Variants in ANKRD34B observed in about 807,000 individuals in gnomAD.
The protein encoded by ANKRD34B is ankyrin repeat domain-containing protein 34B.
In ANKRD34B, 2 loss-of-function variants were observed where a neutral mutation model predicts 4.4. That is an observed-to-expected ratio of 0.46 (90% CI 0.19 to 1.44). ANKRD34B has a LOEUF of 1.44. Ranked by LOEUF, ANKRD34B falls within the 40% of genes most tolerant of loss-of-function variation. ANKRD34B has a pLI of 0.26. For missense variants in ANKRD34B, 558 were observed against 604.7 expected, an observed-to-expected ratio of 0.92 and a Z score of 0.81; for synonymous variants, 226 against 227.1, an observed-to-expected ratio of 0.99 and a Z score of 0.05.
At chr5:80,566,531 G>T (rs905092867) in intron 3 of ANKRD34B, among the ~76,000 whole-genome samples, 158 bp downstream of exon 3, 2 of 152,170 alleles carry the variant, frequency 1.3e-5, no homozygotes, top group Non-Finnish European at 2.9e-5. Flanking sequence ...TCCTTGCCCT[G>T]CTACGAGGGG....
rs956031834 is a variant in ANKRD34B, at chr5:80,564,989, G to A, written c.-104-1174C>T. On this transcript the variant is annotated intron_variant, in intron 3 of 4. Coordinates refer to ENST00000338682, the MANE Select transcript of ANKRD34B (RefSeq NM_001004441.3). ...CAAAGTGCTGGGATTACAGGCGTGC[G>A]CCACTGCGCCCAGCCTGTTTGCTCA... Among the ~76,000 whole-genome samples, 13 of 152,324 alleles carry A rather than the reference G, an allele frequency of 8.5e-5. No homozygotes were observed. In the South Asian group the frequency reaches 1.9e-3, roughly 22 times the overall value.
Position 80,559,532 on chromosome 5 carries a change from G to A in ANKRD34B, c.488C>T (p.Thr163Ile). 1 of 1,614,210 alleles carries A rather than the reference G, an allele frequency of 6.2e-7. No homozygotes were observed. The highest frequency in any genetic ancestry group is 8.5e-7 in the Non-Finnish European group (1 of 1,180,038). ...AGGAGGCATATTTAAGTATTGTTTA[G>A]TAGTATGCTTCCCACAGGGCAACTT... ...TAKLPCGKHT[T>I]KQYLNMPPVD... The change falls in exon 5 of 5, where the codon ACT becomes ATT. Residue 163 changes from threonine (T) to isoleucine (I), a missense_variant. Transcript: ENST00000338682.
chr5:80,568,174 G>C (rs1746632627), intron 2 of ANKRD34B, among the ~76,000 whole-genome samples: 1 of 152,188 alleles, frequency 6.6e-6, no homozygotes, highest in African/African-American at 2.4e-5. Flanking sequence ...TGGAGTGCCT[G>C]TTAAAAAGAA....
Position 80,557,464 on chromosome 5 carries a change from C to G in ANKRD34B, c.*1011G>C, listed in dbSNP as rs1306601608. ...TTTTGTGATTAAGTTTCTACTGCCT[C>G]TATTAATTTTAGCTAACCTAATCTA... On this transcript the variant is annotated 3_prime_UTR_variant, in exon 5 of 5. Transcript: ENST00000338682. 2 of 151,716 alleles carry G rather than the reference C, an allele frequency of 1.3e-5. No individual in the cohort carries two copies. Among genetic ancestry groups the G allele is most frequent in the African/African-American group, 4.8e-5 (2 of 41,318 alleles). The allele number at this position is 151,716 out of a possible 1,614,324, so 9.4% of individuals were successfully genotyped here.
Position 80,558,323 on chromosome 5 carries a change from G to A in ANKRD34B, c.*152C>T, listed in dbSNP as rs1027142145. The A allele has an allele frequency of 2.1e-5, 13 of 623,826 alleles. No homozygotes were observed. Among genetic ancestry groups the A allele is most frequent in the South Asian group, 1.1e-4 (5 of 43,816 alleles). 38.6% of individuals were successfully genotyped at this position (623,826 alleles called of 1,614,324 possible). A position where few individuals can be genotyped will look rare whatever the true frequency, so the allele number is the denominator to read the frequency against. Reference sequence around the variant, plus strand: ...ATGTATTATTTTTTATGCTCATGACGCCTAGTACAAATCACATTACATTTT... The same window carrying A: ...ATGTATTATTTTTTATGCTCATGACACCTAGTACAAATCACATTACATTTT... On this transcript the variant is annotated 3_prime_UTR_variant, in exon 5 of 5. Coordinates refer to ENST00000338682, the MANE Select transcript of ANKRD34B (RefSeq NM_001004441.3).
intron 3 of ANKRD34B, among the ~76,000 whole-genome samples, chr5:80,565,727 T>C (rs776023955): frequency 3.6e-4 from 55 of 152,236 alleles, no homozygotes; most frequent in Admixed American, 1.2e-3. Context: ...ATCCATAGCC[T>C]ATTTAAAATA....
chr5:80,568,889 A>AACACACACACACACACACACACACACAC (rs745736258), intron 2 of ANKRD34B, 71 bp downstream of exon 2: 2 of 46,006 alleles, frequency 4.3e-5, no homozygotes, highest in Non-Finnish European at 7.8e-5. Context: ...CTCCCCCCAA[A>AACACACACACACACACACACACACACAC]ACACACACAC....
At chr5:80,560,123 T>G in intron 4 of ANKRD34B, 81 bp from the exon 5 acceptor site, 5 of 837,632 alleles carry the variant, frequency 6.0e-6, no homozygotes, top group East Asian at 2.7e-5. Context: ...AGAATTAATT[T>G]TGAAAATATG....
At position 80,559,104 on chromosome 5, in the gene ANKRD34B, G is replaced by C; in HGVS notation, c.916C>G (p.Leu306Val). Residue 306 changes from leucine to valine, a missense_variant, in exon 5 of 5, where the codon CTA (leucine) becomes GTA (valine). Physicochemically the swap from Leu to Val is conservative, Grantham distance 32. Transcript: ENST00000338682. Reference sequence around the variant, plus strand: ...GAGCTGGCCTGATCAAAGGCTCTTAGCAAATGTGCAGTGTCTTTTACATCA... The same window carrying C: ...GAGCTGGCCTGATCAAAGGCTCTTACCAAATGTGCAGTGTCTTTTACATCA... ...SIDVKDTAHL[L>V]RAFDQASSRK... 6.2e-7 allele frequency: 1 copy of C among 1,614,192 alleles called. No individual in the cohort carries two copies. The highest frequency in any genetic ancestry group is 8.5e-7 in the Non-Finnish European group (1 of 1,180,040).
At position 80,559,067 on chromosome 5, in the gene ANKRD34B, G is replaced by C. The variant is rs747144249; in HGVS notation, c.953C>G (p.Ser318Ter). 6.2e-7 allele frequency: 1 copy of C among 1,614,172 alleles called. No individual in the cohort carries two copies. Among genetic ancestry groups the C allele is most frequent in the African/African-American group, 1.3e-5 (1 of 75,038 alleles). ...AFDQASSRKM[S>*]YDEINCQSYL... ...AGATTGACAATTTATTTCATCATAT[G>C]ACATCTTCCTTGAGCTGGCCTGATC... The change falls in exon 5 of 5, where the codon TCA becomes TGA. Residue 318 changes from serine to a stop codon, truncating the protein, a stop_gained. Transcript: ENST00000338682. LOFTEE classifies it low-confidence loss of function (END_TRUNC).
At chr5:80,562,804 C>T (rs1746443480) in intron 4 of ANKRD34B, among the ~76,000 whole-genome samples, 1 of 152,108 alleles carries the variant, frequency 6.6e-6, no homozygotes, top group African/African-American at 2.4e-5. Flanking sequence ...TAATCAGTAC[C>T]CGAAATGAGG....
chr5:80,559,029 CT>C lies in ANKRD34B; in HGVS notation c.990del (p.Gly331GlufsTer25), dbSNP rs768517763. 5.6e-6 allele frequency: 9 copies of C among 1,614,180 alleles called. No homozygotes were observed. The highest frequency in any genetic ancestry group is 7.6e-6 in the Non-Finnish European group (9 of 1,180,030). ...GGGACTTCAATGCATTGCTGATTTC[CT>C]TCTGAAAGATAAGATTGACAATTTA... is the stretch of plus-strand genomic sequence containing the variant. The part of the protein sequence containing the change: ...DEINCQSYLS[E>X]GNQQCIEVPV... On this transcript the variant is annotated frameshift_variant, in exon 5 of 5. Transcript: ENST00000338682. LOFTEE classifies it low-confidence loss of function (END_TRUNC).
rs950339536 is a variant in ANKRD34B at position 80,569,719 on chromosome 5, A to C, written c.-339+435T>G. Among the ~76,000 whole-genome samples, 3 of 150,678 alleles carry C rather than the reference A, an allele frequency of 2.0e-5. 1 individual carries two copies. The highest frequency in any genetic ancestry group is 2.0e-4 in the Admixed American group (3 of 15,192). On this transcript the variant is annotated intron_variant, in intron 1 of 4. Coordinates refer to ENST00000338682, the MANE Select transcript of ANKRD34B (RefSeq NM_001004441.3). ...CCCCCCGCCCCGCATCCTCCTCGACACCCCGCGGCCGGGCAGCCCTCGCCG... is the reference window on the plus strand; with the variant it reads ...CCCCCCGCCCCGCATCCTCCTCGACCCCCCGCGGCCGGGCAGCCCTCGCCG...
chr5:80,566,581 T>C (rs959439172), intron 3 of ANKRD34B, 108 bp downstream of exon 3: 2 of 152,612 alleles, frequency 1.3e-5, no homozygotes, highest in African/African-American at 4.8e-5. Flanking sequence ...CATTGCATCT[T>C]GGAAAGATGA....
In ANKRD34B at chr5:80,559,909, A is replaced by G. The variant is rs749496251; in HGVS notation, c.111T>C (p.Asn37=). The stretch of plus-strand genomic sequence containing the variant: ...GGGTTTCCCCACGGTCGTTGCTCTC[A>G]TTAATGTAGGCACCGCCTTCTAGCA... ...RLLLEGGAYI[N]ESNDRGETPL... Residue 37 remains asparagine, a synonymous_variant, in exon 5 of 5, where the codon AAT becomes AAC. Transcript: ENST00000338682. 2 of 1,614,132 alleles carry G rather than the reference A, an allele frequency of 1.2e-6. No homozygotes were observed. Among genetic ancestry groups the G allele is most frequent in the Non-Finnish European group, 1.7e-6 (2 of 1,180,052 alleles).
At chr5:80,569,456 C>T (rs1486508512) in intron 1 of ANKRD34B, among the ~76,000 whole-genome samples, 2 of 152,166 alleles carry the variant, frequency 1.3e-5, no homozygotes, top group East Asian at 1.9e-4. Flanking sequence ...AACCGGCTGC[C>T]CGCCCCTGTG....
At position 80,559,270 on chromosome 5, in the gene ANKRD34B, C is replaced by T. The variant is rs138114567; in HGVS notation, c.750G>A (p.Lys250=). ...TCTGGTGCATTAATAATGGGGGACTCTTGACCCAGGGTGGAGCGTGGGGGA... is the reference window on the plus strand; with the variant it reads ...TCTGGTGCATTAATAATGGGGGACTTTTGACCCAGGGTGGAGCGTGGGGGA... ...PKLPHAPPWV[K]SPPLLMHQNR... Residue 250 remains lysine (K), a synonymous_variant, in exon 5 of 5, where the codon AAG becomes AAA. Transcript: ENST00000338682. 3.1e-6 allele frequency: 5 copies of T among 1,614,068 alleles called. No homozygotes were observed. The highest frequency in any genetic ancestry group is 1.3e-5 in the African/African-American group (1 of 74,926).
In ANKRD34B at chr5:80,565,940, A is replaced by G. The variant is rs1178889238; in HGVS notation, c.-105+749T>C. ...TATTAATTATTAAACAGCTGGATAA[A>G]CTGCTTTTCATTCAAAAATTGCAGT... On this transcript the variant is annotated intron_variant, in intron 3 of 4. Coordinates refer to ENST00000338682, the MANE Select transcript of ANKRD34B (RefSeq NM_001004441.3). Among the ~76,000 whole-genome samples, 3 of 152,310 alleles carry G rather than the reference A, an allele frequency of 2.0e-5. No homozygotes were observed. The East Asian group carries it at 5.8e-4, about 29-fold the overall frequency.
Position 80,566,153 on chromosome 5 carries a change from G to A in ANKRD34B, c.-105+536C>T, listed in dbSNP as rs73123493. ...CCATTAGATGAGCAATTTCAAACAAGCTCTGGAAATGGGGGGATGGTGGAG... is the reference window on the plus strand; with the variant it reads ...CCATTAGATGAGCAATTTCAAACAAACTCTGGAAATGGGGGGATGGTGGAG... On this transcript the variant is annotated intron_variant, in intron 3 of 4. Transcript: ENST00000338682. 5.3e-3 allele frequency among the ~76,000 whole-genome samples: 809 copies of A among 152,262 alleles called. 7 individuals carry two copies. The highest frequency in any genetic ancestry group is 0.018 in the African/African-American group (758 of 41,546).
Sources: gnomAD v4.1 joint callset for allele counts (sites outside exome capture counted in the v4.1 genomes callset) on GRCh38, gnomAD v4.1.1 for gene constraint, MANE v1.5 for transcripts, NCBI Gene and HGNC (gene_info 2026-07-23, HGNC 2026-07-21) for gene names.